SPART: variants seen among roughly 807,000 people sequenced by gnomAD.
SPART encodes the protein spastic paraplegia 20 (Troyer syndrome).
SPART carries 35 observed loss-of-function variants against 58.7 expected under a neutral mutation model. That is an observed-to-expected ratio of 0.60 (90% CI 0.46 to 0.79). SPART has a LOEUF of 0.79. SPART is among the 30% of genes least tolerant of loss of function. SPART has a pLI of 0.00. For missense variants in SPART, 730 were observed against 786.1 expected (o/e 0.93, Z 0.85); for synonymous variants, 284 against 280.7 (o/e 1.01, Z -0.12).
chr13:36,326,409 C>A, intron 5 of SPART, 166 bp downstream of exon 5: 1 of 746,444 alleles, frequency 1.3e-6, no homozygotes, highest in Non-Finnish European at 2.2e-6. Context: ...ATGACAATAT[C>A]TGATGTTTCA....
intron 1 of SPART, among the ~76,000 whole-genome samples, chr13:36,345,278 G>A (rs886666039): frequency 2.0e-5 from 3 of 152,128 alleles, no homozygotes; most frequent in Non-Finnish European, 4.4e-5. Flanking sequence ...AAGCCGACCC[G>A]AAACCACATT....
intron 1 of SPART, among the ~76,000 whole-genome samples, chr13:36,337,476 G>A (rs966207577): frequency 9.9e-5 from 15 of 152,198 alleles, no homozygotes; most frequent in African/African-American, 3.1e-4. Flanking sequence ...CTGATAGTGA[G>A]TTCTCACAAC....
upstream of SPART, among the ~76,000 whole-genome samples, chr13:36,347,288 G>A (rs1885207721): frequency 1.3e-5 from 2 of 151,998 alleles, no homozygotes; most frequent in African/African-American, 4.8e-5. Context: ...GCATGATCTC[G>A]GCTCACTGCA....
intron 1 of SPART, among the ~76,000 whole-genome samples, chr13:36,343,386 T>G (rs1884759523): frequency 6.6e-6 from 1 of 151,406 alleles, no homozygotes; most frequent in Admixed American, 6.6e-5. Context: ...AAATATAATG[T>G]ATTTTAAAAA....
chr13:36,347,253 A>G (rs1297964847), upstream of SPART, among the ~76,000 whole-genome samples: 2 of 151,942 alleles, frequency 1.3e-5, no homozygotes, highest in African/African-American at 2.4e-5. Flanking sequence ...GAGTCTTACT[A>G]TGTTGCCCAG....
intron 8 of SPART, 78 bp from the exon 9 acceptor site, chr13:36,304,710 T>A: frequency 6.8e-7 from 1 of 1,469,386 alleles, no homozygotes; most frequent in Non-Finnish European, 9.3e-7. Context: ...ATTAAATAAG[T>A]CAAATGATTA....
At chr13:36,338,719 T>C (rs556069618) in intron 1 of SPART, among the ~76,000 whole-genome samples, 4 of 152,316 alleles carry the variant, frequency 2.6e-5, no homozygotes, top group African/African-American at 9.6e-5. Context: ...ACATTGATTA[T>C]TGAGACCCAC....
chr13:36,324,771 G>C (rs187598454), intron 5 of SPART, among the ~76,000 whole-genome samples: 1 of 152,194 alleles, frequency 6.6e-6, no homozygotes, highest in African/African-American at 2.4e-5. Flanking sequence ...GGCTGAGACC[G>C]AAAAGAGAGT....
chr13:36,355,840 CAAAA>C (rs57777973), intron 1 of SPART, among the ~76,000 whole-genome samples: 1 of 151,444 alleles, frequency 6.6e-6, no homozygotes, highest in Non-Finnish European at 1.5e-5. Context: ...AAAGTAATGG[CAAAA>C]AAAACCCCAC....
At chr13:36,360,249 T>C (rs947413231) in intron 1 of SPART, among the ~76,000 whole-genome samples, 13 of 151,848 alleles carry the variant, frequency 8.6e-5, no homozygotes, top group African/African-American at 7.2e-5. Context: ...GAGCCAAGAT[T>C]GCGCCACTGC....
intron 6 of SPART, 112 bp from the exon 7 acceptor site, chr13:36,312,589 T>A: frequency 8.5e-7 from 1 of 1,169,706 alleles, no homozygotes; most frequent in South Asian, 1.3e-5. Context: ...TACTATATAA[T>A]GTTACAATTT....
rs368226366 is a variant in SPART, at chr13:36,335,345, T to C, written c.486A>G (p.Pro162=). 5.1e-5 allele frequency: 83 copies of C among 1,614,076 alleles called. No individual in the cohort carries two copies. Among genetic ancestry groups the C allele is most frequent in the African/African-American group, 5.1e-4 (38 of 75,020 alleles). The change falls in exon 2 of 9, where the codon CCA becomes CCG. Residue 162 remains proline, a synonymous_variant. Coordinates refer to ENST00000438666, the MANE Select transcript of SPART (RefSeq NM_015087.5). ...AVAAPASLSL[P]SQSCPAEAPP... ...GAGCTTCTGCTGGACAACTTTGTGA[T>C]GGTAAAGACAGAGAAGCAGGTGCAG...
intron 8 of SPART, among the ~76,000 whole-genome samples, chr13:36,305,444 A>G (rs1027663279): frequency 6.6e-6 from 1 of 152,116 alleles, no homozygotes; most frequent in African/African-American, 2.4e-5. Flanking sequence ...TGTAAACCCT[A>G]TTGGAGAGGA....
chr13:36,316,606 T>G (rs1709185400), intron 5 of SPART, among the ~76,000 whole-genome samples: 1 of 151,990 alleles, frequency 6.6e-6, no homozygotes, highest in Admixed American at 6.6e-5. Context: ...AAACCCCCTT[T>G]GACTGTAATT....
rs181261316 is a variant in SPART, at chr13:36,322,433, C to T, written c.1288+4142G>A. Among the ~76,000 whole-genome samples, 99 of 151,118 alleles carry T rather than the reference C, an allele frequency of 6.6e-4. No individual in the cohort carries two copies. In the East Asian group the frequency reaches 0.018, roughly 27 times the overall value. Reference sequence around the variant, plus strand: ...CTGCACTCCGACTTGGGTAACAGAGCGAGACTCTGTCTCAAAACAAAACAA... The same window carrying T: ...CTGCACTCCGACTTGGGTAACAGAGTGAGACTCTGTCTCAAAACAAAACAA... On this transcript the variant is annotated intron_variant, in intron 5 of 8. Coordinates refer to ENST00000438666, the MANE Select transcript of SPART (RefSeq NM_015087.5).
chr13:36,326,363 G>A lies in SPART; in HGVS notation c.1288+212C>T, dbSNP rs912926. On this transcript the variant is annotated intron_variant, in intron 5 of 8. Transcript: ENST00000438666. ...TTCACTATCCATTTTCCCAATAGTAGAACAGAATAATAGGCCAGGAAGAAT... is the reference window on the plus strand; with the variant it reads ...TTCACTATCCATTTTCCCAATAGTAAAACAGAATAATAGGCCAGGAAGAAT... The A allele has an allele frequency of 1, 573,805 of 576,594 alleles. 285,560 individuals are homozygous for A. The highest frequency in any genetic ancestry group is 1 in the East Asian group (30,592 of 30,592). The allele number at this position is 576,594 out of a possible 1,614,324, so 35.7% of individuals were successfully genotyped here.
Position 36,304,100 on chromosome 13 carries a change from T to G in SPART, c.*265A>C. ...TTGAACAACACATGTACTATCAGCTTTATTTTACCTGCAAAAATATTTTAG... is the reference window on the plus strand; with the variant it reads ...TTGAACAACACATGTACTATCAGCTGTATTTTACCTGCAAAAATATTTTAG... On this transcript the variant is annotated 3_prime_UTR_variant, in exon 9 of 9. Transcript: ENST00000438666. 1 of 517,488 alleles carries G rather than the reference T, an allele frequency of 1.9e-6. No individual in the cohort carries two copies. The highest frequency in any genetic ancestry group is 3.4e-6 in the Non-Finnish European group (1 of 290,160). 32.1% of individuals were successfully genotyped at this position (517,488 alleles called of 1,614,324 possible). A position where few individuals can be genotyped will look rare whatever the true frequency, so the allele number is the denominator to read the frequency against.
chr13:36,369,740 C>T (rs1190666972), intron 1 of SPART: 1 of 152,256 alleles, frequency 6.6e-6, no homozygotes, highest in Non-Finnish European at 1.5e-5. Context: ...GCCATTTTCC[C>T]TCATTGCCCT....
intron 1 of SPART, among the ~76,000 whole-genome samples, chr13:36,364,571 T>G (rs1054914921): frequency 1.3e-5 from 2 of 152,166 alleles, no homozygotes; most frequent in Admixed American, 6.5e-5. Context: ...CCAAGTTTCA[T>G]GAAGCCTGAA....
Sources: allele counts gnomAD v4.1 joint callset (sites outside exome capture counted in the v4.1 genomes callset), GRCh38; gene constraint gnomAD v4.1.1; transcripts MANE v1.5; gene names NCBI Gene and HGNC (gene_info 2026-07-23, HGNC 2026-07-21).